CFAP20DC: variants seen among roughly 807,000 people sequenced by gnomAD.
CFAP20DC encodes CFAP20 domain containing.
In CFAP20DC, 84 loss-of-function variants were observed where a neutral mutation model predicts 101.7. That is an observed-to-expected ratio of 0.83 (90% CI 0.69 to 0.99). The LOEUF (loss-of-function observed/expected upper bound fraction) is 0.99, where lower values mean the gene tolerates loss of function less well. CFAP20DC is among the 50% of genes least tolerant of loss of function. The probability of loss-of-function intolerance (pLI) is 0.00; values close to 1 mark genes in which losing one functional copy is unlikely to be tolerated. For synonymous variants in CFAP20DC, 359 were observed against 351.2 expected (o/e 1.02, Z -0.25); for missense variants, 1,007 against 970.3 (o/e 1.04, Z -0.50).
chr3:58,853,872 A>G (rs1396018751), intron 12 of CFAP20DC, among the ~76,000 whole-genome samples: 1 of 151,920 alleles, frequency 6.6e-6, no homozygotes, highest in Non-Finnish European at 1.5e-5. Context: ...ACCCACAGCC[A>G]ATATCATACT....
Position 58,869,460 on chromosome 3 carries a change from G to T in CFAP20DC, c.883C>A (p.Arg295=). ...TVRSVGSKNN[R]SCQPSTVEKC... ...TCTACAGTGGACGGCTGGCATGATC[G>T]GTTATTTTTGGACCCAACGGATCTC... is the stretch of plus-strand genomic sequence containing the variant. The change falls in exon 9 of 17, where the codon CGA becomes AGA. Residue 295 remains arginine (R), a synonymous_variant. Transcript: ENST00000482387. This position sits in a 1 kb window ranked among gnomAD's most constrained non-coding sequence, Gnocchi z 4.3. 1 of 1,611,774 alleles carries T rather than the reference G, an allele frequency of 6.2e-7. No homozygotes were observed.
chr3:58,866,824 C>A, intron 10 of CFAP20DC, 136 bp from the exon 11 acceptor site: 1 of 525,576 alleles, frequency 1.9e-6, no homozygotes, highest in Non-Finnish European at 3.3e-6. Context: ...ATATGAATTA[C>A]ATGCAGTTTT....
chr3:59,012,320 T>C (rs2093601541), intron 4 of CFAP20DC, among the ~76,000 whole-genome samples: 1 of 152,216 alleles, frequency 6.6e-6, no homozygotes, highest in African/African-American at 2.4e-5. Context: ...TATGTGATAG[T>C]TTCCGGATCC....
In CFAP20DC at chr3:58,731,778, C is replaced by T. The variant is rs558032344; in HGVS notation, c.198-14150G>A. On this transcript the variant is annotated intron_variant, in intron 3 of 3. Transcript: ENST00000486145. ...CAAAATATTTTTCAAGCTGCAACCA[C>T]GGAGCTAACAACTAAGCAGGAAGAA... Among the ~76,000 whole-genome samples, 51 of 152,238 alleles carry T rather than the reference C, an allele frequency of 3.4e-4. No individual in the cohort carries two copies. The South Asian group carries it at 5.0e-3, about 15-fold the overall frequency.
At chr3:58,828,195 GAGATCAGATC>G (rs1453225495) in intron 14 of CFAP20DC, among the ~76,000 whole-genome samples, 1 of 152,162 alleles carries the variant, frequency 6.6e-6, no homozygotes, top group East Asian at 1.9e-4. Flanking sequence ...ACCTAATGAA[GAGATCAGATC>G]AGATCAGATT....
chr3:58,767,054 A>G (rs1361986820), intron 15 of CFAP20DC, among the ~76,000 whole-genome samples: 1 of 152,202 alleles, frequency 6.6e-6, no homozygotes, highest in Non-Finnish European at 1.5e-5. Flanking sequence ...TCGCAACCCC[A>G]TTAGACTCTA....
intron 4 of CFAP20DC, among the ~76,000 whole-genome samples, chr3:58,945,697 CT>C (rs66828789): frequency 0.085 from 11,826 of 138,394 alleles, 1,545 homozygotes; most frequent in African/African-American, 0.29. Flanking sequence ...AAGTCACTTT[CT>C]TTTTTTTTTT....
intron 15 of CFAP20DC, among the ~76,000 whole-genome samples, chr3:58,771,355 A>T (rs963141203): frequency 6.6e-5 from 10 of 152,160 alleles, no homozygotes; most frequent in Admixed American, 6.5e-5. Flanking sequence ...CCTATGTAAC[A>T]AACCTGCATA....
chr3:58,958,565 C>T lies in CFAP20DC; in HGVS notation c.279-20803G>A, dbSNP rs575222454. ...ATCAGGAAAAGTGGCTGTGCTGTTT[C>T]ATATTCCATCAGCAAAGTATGAGAG... On this transcript the variant is annotated intron_variant, in intron 4 of 16. Coordinates refer to ENST00000482387, the MANE Select transcript of CFAP20DC (RefSeq NM_001394063.1). Among the ~76,000 whole-genome samples the T allele has an allele frequency of 1.6e-3, 249 of 152,288 alleles. 2 individuals carry two copies. The highest frequency in any genetic ancestry group is 9.2e-3 in the Admixed American group (141 of 15,290).
intron 6 of CFAP20DC, among the ~76,000 whole-genome samples, chr3:58,895,273 C>T (rs867672551): frequency 6.6e-6 from 1 of 152,204 alleles, no homozygotes; most frequent in Non-Finnish European, 1.5e-5. Context: ...CTTTTCAGAA[C>T]TTTCATGTTC....
chr3:59,018,951 C>T (rs1200901226), intron 4 of CFAP20DC: 2 of 152,214 alleles, frequency 1.3e-5, no homozygotes, highest in East Asian at 3.9e-4. Flanking sequence ...CACACAATCA[C>T]ACACATACAG....
chr3:58,798,020 C>T (rs1226081732), intron 15 of CFAP20DC, among the ~76,000 whole-genome samples: 1 of 152,156 alleles, frequency 6.6e-6, no homozygotes, highest in Non-Finnish European at 1.5e-5. Context: ...TGCACCTGGT[C>T]ACCCATGAGC....
At chr3:58,960,818 TAATG>T (rs1408773699) in intron 4 of CFAP20DC, among the ~76,000 whole-genome samples, 1 of 152,188 alleles carries the variant, frequency 6.6e-6, no homozygotes, top group African/African-American at 2.4e-5. Context: ...TAAATATAAA[TAATG>T]AATGAAGTCA....
At chr3:58,805,827 T>G (rs1055057885) in intron 15 of CFAP20DC, among the ~76,000 whole-genome samples, 1 of 152,234 alleles carries the variant, frequency 6.6e-6, no homozygotes, top group Non-Finnish European at 1.5e-5. Context: ...AGGTTTTTCC[T>G]TAGTGACAAA....
chr3:58,823,827 C>G (rs146304123), intron 14 of CFAP20DC, among the ~76,000 whole-genome samples: 11 of 152,244 alleles, frequency 7.2e-5, no homozygotes, highest in African/African-American at 2.4e-4. Flanking sequence ...TGACTATCTC[C>G]TTACCATAAA....
intron 4 of CFAP20DC, among the ~76,000 whole-genome samples, chr3:58,972,253 T>C (rs1344092855): frequency 6.6e-6 from 1 of 152,150 alleles, no homozygotes; most frequent in East Asian, 1.9e-4. Flanking sequence ...TCCTTCAAGG[T>C]TAGAACACAA....
Position 58,849,218 on chromosome 3 carries a change from A to C in CFAP20DC, c.1785T>G (p.Phe595Leu), listed in dbSNP as rs368711277. The C allele has an allele frequency of 1.3e-6, 2 of 1,536,094 alleles. No individual in the cohort carries two copies. Among genetic ancestry groups the C allele is most frequent in the African/African-American group, 1.4e-5 (1 of 73,152 alleles). ...SSMEQIDRNNFEMSLLPTTCL... is the reference protein window; with the variant it reads ...SSMEQIDRNNLEMSLLPTTCL... ...ATGTTGTAGGCAACAAACTCATTTC[A>C]AAGTTATTTCTATCTATTTGCTCCA... is the stretch of plus-strand genomic sequence containing the variant. Residue 595 changes from phenylalanine (F) to leucine (L), a missense_variant, in exon 13 of 17, where the codon TTT (phenylalanine) becomes TTG (leucine). By Grantham distance (22) the Phe-to-Leu change is conservative. Coordinates refer to ENST00000482387, the MANE Select transcript of CFAP20DC (RefSeq NM_001394063.1).
At chr3:58,839,539 T>C (rs370769731) in intron 13 of CFAP20DC, among the ~76,000 whole-genome samples, 2 of 152,312 alleles carry the variant, frequency 1.3e-5, no homozygotes, top group Non-Finnish European at 2.9e-5. Flanking sequence ...CTTAGTACCT[T>C]TTCCATGAAG....
At chr3:58,933,587 G>A (rs191487136) in intron 5 of CFAP20DC, among the ~76,000 whole-genome samples, 1 of 152,340 alleles carries the variant, frequency 6.6e-6, no homozygotes, top group Admixed American at 6.5e-5. Flanking sequence ...AGACCACAGT[G>A]AAATCAAACC....
Sources: gnomAD v4.1 joint callset for allele counts (sites outside exome capture counted in the v4.1 genomes callset) on GRCh38, gnomAD v4.1.1 for gene constraint, Gnocchi (gnomAD v3.1) non-coding constraint, MANE v1.5 for transcripts, NCBI Gene and HGNC (gene_info 2026-07-23, HGNC 2026-07-21) for gene names.